The following ADAM12 variants were observed in gnomAD, a reference collection of about 807,000 sequenced individuals.
ADAM12 encodes the protein ADAM metallopeptidase domain 12.
In ADAM12, 70 loss-of-function variants were observed where a neutral mutation model predicts 106.4. The ratio of observed to expected loss-of-function variants is 0.66; its 90% confidence interval spans 0.54 to 0.80. The LOEUF (loss-of-function observed/expected upper bound fraction) is 0.80. ADAM12 is among the 30% of genes least tolerant of loss of function. The probability of loss-of-function intolerance (pLI) is 0.00; values close to 1 mark genes in which losing one functional copy is unlikely to be tolerated. For synonymous variants in ADAM12, 420 were observed against 433.5 expected (o/e 0.97, Z 0.39); for missense variants, 1,010 against 1,171.9 (o/e 0.86, Z 2.02).
intron 1 of ADAM12, among the ~76,000 whole-genome samples, chr10:126,346,627 A>T (rs1259966812): frequency 6.6e-6 from 1 of 152,132 alleles, no homozygotes; most frequent in Non-Finnish European, 1.5e-5. Context: ...TGGGGTGTTA[A>T]AGTCTCCCAT....
intron 3 of ADAM12, among the ~76,000 whole-genome samples, chr10:126,271,610 G>A (rs1484791776): frequency 6.6e-6 from 1 of 152,164 alleles, no homozygotes; most frequent in African/African-American, 2.4e-5. Flanking sequence ...ACAAAAAATA[G>A]AAAAACTAGC....
At chr10:126,063,112 T>C (rs537905112) in intron 14 of ADAM12, among the ~76,000 whole-genome samples, 6 of 152,342 alleles carry the variant, frequency 3.9e-5, no homozygotes, top group South Asian at 2.1e-4. Context: ...ATGCCAGGAC[T>C]GAGGGCTGCT....
intron 3 of ADAM12, among the ~76,000 whole-genome samples, chr10:126,215,534 G>A (rs1957972341): frequency 6.6e-6 from 1 of 152,188 alleles, no homozygotes; most frequent in Non-Finnish European, 1.5e-5. Context: ...TGAGGGAAGT[G>A]TGCTAACCAA....
At chr10:126,185,827 C>A (rs1010638221) in intron 3 of ADAM12, among the ~76,000 whole-genome samples, 1 of 152,066 alleles carries the variant, frequency 6.6e-6, no homozygotes, top group Non-Finnish European at 1.5e-5. Flanking sequence ...CCATCTCAAA[C>A]GAGAGCACAT....
rs148620901 is a variant in ADAM12, at chr10:126,176,535, C to G, written c.261-21230G>C. Among the ~76,000 whole-genome samples the G allele has an allele frequency of 4.0e-3, 606 of 152,334 alleles. 5 individuals carry two copies. Among genetic ancestry groups the G allele is most frequent in the African/African-American group, 0.014 (586 of 41,580 alleles). ...TTGCCATTGCAAGAACTCTGAATCA[C>G]TCATCTAGGGCATAGTCTATCTTGT... On this transcript the variant is annotated intron_variant, in intron 3 of 22. Transcript: ENST00000448723.
intron 1 of ADAM12, among the ~76,000 whole-genome samples, chr10:126,352,222 T>C (rs1855388282): frequency 6.6e-6 from 1 of 152,224 alleles, no homozygotes; most frequent in Non-Finnish European, 1.5e-5. Context: ...CTCTCTGCCC[T>C]TTTTCACAAA....
At chr10:126,350,191 T>C (rs1230704612) in intron 1 of ADAM12, among the ~76,000 whole-genome samples, 4 of 152,208 alleles carry the variant, frequency 2.6e-5, no homozygotes, top group Admixed American at 6.5e-5. Context: ...CTGGCACACA[T>C]TGTAATTCCT....
At chr10:126,311,026 C>G (rs1383032660) in intron 2 of ADAM12, among the ~76,000 whole-genome samples, 1 of 151,150 alleles carries the variant, frequency 6.6e-6, no homozygotes, top group Non-Finnish European at 1.5e-5. Context: ...CTGAGCTGAG[C>G]TAATACTAAA....
rs141008375 is a variant in ADAM12 at position 126,354,269 on chromosome 10, G to A, written c.89-23760C>T. 7.2e-3 allele frequency among the ~76,000 whole-genome samples: 1,096 copies of A among 152,220 alleles called. 8 individuals are homozygous for A. The highest frequency in any genetic ancestry group is 0.02 in the Middle Eastern group (6 of 294). ...AGAATATAGTACTGCAGTTCCAGGAGTCATTTTTATTAGAGTAAAAGCCCT... is the reference window on the plus strand; with the variant it reads ...AGAATATAGTACTGCAGTTCCAGGAATCATTTTTATTAGAGTAAAAGCCCT... On this transcript the variant is annotated intron_variant, in intron 1 of 22. Transcript: ENST00000448723.
intron 1 of ADAM12, among the ~76,000 whole-genome samples, chr10:126,382,840 A>G (rs1388842197): frequency 1.3e-5 from 2 of 152,234 alleles, no homozygotes; most frequent in Non-Finnish European, 2.9e-5. Context: ...GTTAATAGCA[A>G]TTTTACATCC....
At chr10:126,042,128 G>A (rs778695954) in intron 18 of ADAM12, 36 of 1,613,168 alleles carry the variant, frequency 2.2e-5, no homozygotes, top group South Asian at 7.7e-5. Flanking sequence ...TGTCATGGGA[G>A]GGCTCAGATG....
At chr10:126,162,329 G>C (rs145870084) in intron 3 of ADAM12, among the ~76,000 whole-genome samples, 1 of 152,160 alleles carries the variant, frequency 6.6e-6, no homozygotes, top group Non-Finnish European at 1.5e-5. Context: ...GCATTCCAGC[G>C]AGAGGGGACT....
chr10:126,206,263 T>G (rs1957792778), intron 3 of ADAM12, among the ~76,000 whole-genome samples: 1 of 152,198 alleles, frequency 6.6e-6, no homozygotes, highest in South Asian at 2.1e-4. Context: ...TCTGACCCTT[T>G]CTAAAAGTAC....
At chr10:126,099,712 A>T (rs1955624562) in intron 9 of ADAM12, among the ~76,000 whole-genome samples, 1 of 152,210 alleles carries the variant, frequency 6.6e-6, no homozygotes, top group African/African-American at 2.4e-5. Flanking sequence ...AAATGGCCGA[A>T]GTAAATTATC....
intron 4 of ADAM12, among the ~76,000 whole-genome samples, chr10:126,154,038 T>C (rs1237492736): frequency 2.0e-5 from 3 of 152,222 alleles, no homozygotes; most frequent in Non-Finnish European, 4.4e-5. Context: ...TTTTTGTCTC[T>C]TTTTCACAGA....
intron 3 of ADAM12, among the ~76,000 whole-genome samples, chr10:126,166,612 C>T (rs894574572): frequency 2.6e-5 from 4 of 152,168 alleles, no homozygotes; most frequent in South Asian, 4.1e-4. Context: ...GATTCTCCTG[C>T]CCCAGCCTCC....
At chr10:126,194,728 G>A (rs1221604355) in intron 3 of ADAM12, among the ~76,000 whole-genome samples, 2 of 152,206 alleles carry the variant, frequency 1.3e-5, no homozygotes, top group Admixed American at 1.3e-4. Context: ...TGCTCATTCA[G>A]AGCTTCAGGG....
chr10:126,039,168 C>T (rs1026878375), intron 19 of ADAM12, 126 bp downstream of exon 19: 14 of 1,155,368 alleles, frequency 1.2e-5, no homozygotes, highest in East Asian at 5.5e-5. Context: ...ACCGTGGTCT[C>T]GATCTCCTGA....
At chr10:126,299,373 T>C (rs1960518687) in intron 2 of ADAM12, among the ~76,000 whole-genome samples, 1 of 152,184 alleles carries the variant, frequency 6.6e-6, no homozygotes, top group East Asian at 1.9e-4. Flanking sequence ...CTGTTGAGCA[T>C]CTATTATGGG....
Sources: allele counts gnomAD v4.1 joint callset (sites outside exome capture counted in the v4.1 genomes callset), GRCh38; gene constraint gnomAD v4.1.1; transcripts MANE v1.5; gene names NCBI Gene and HGNC (gene_info 2026-07-23, HGNC 2026-07-21).